Variants in IL1RAPL1 observed in about 807,000 individuals in gnomAD.
IL1RAPL1 encodes the protein interleukin 1 receptor accessory protein like 1, also known as interleukin-1 receptor accessory protein-like 1.
IL1RAPL1 carries 3 observed loss-of-function variants against 48.4 expected under a neutral mutation model. That is an observed-to-expected ratio of 0.06 (90% CI 0.03 to 0.16). IL1RAPL1 has a LOEUF of 0.16. Among genes scored for constraint, IL1RAPL1 ranks in the 10% least tolerant of loss-of-function variants. IL1RAPL1 has a pLI of 1.00. For synonymous variants in IL1RAPL1, 185 were observed against 187.7 expected, an observed-to-expected ratio of 0.99 and a Z score of 0.12; for missense variants, 349 against 530.6, an observed-to-expected ratio of 0.66 and a Z score of 3.36.
At chrX:29,883,153 A>G (rs764605416) in intron 6 of IL1RAPL1, among the ~76,000 whole-genome samples, 8 of 111,577 alleles carry the variant, frequency 7.2e-5, no homozygotes, top group Non-Finnish European at 1.5e-4. Flanking sequence ...TAGAAGCCTA[A>G]TGTGCTGTTC....
At chrX:28,728,799 A>G in intron 1 of IL1RAPL1, among the ~76,000 whole-genome samples, 1 of 111,524 alleles carries the variant, frequency 9.0e-6, no homozygotes, top group East Asian at 2.8e-4. Context: ...GAAGAAGCTG[A>G]GTTGCAAAGA....
intron 6 of IL1RAPL1, among the ~76,000 whole-genome samples, chrX:29,737,459 A>G (rs765594196): frequency 8.0e-5 from 9 of 112,032 alleles, no homozygotes; most frequent in Non-Finnish European, 1.5e-4. Flanking sequence ...ATTTGTCCAA[A>G]TCTGACATTG....
At chrX:28,604,844 G>A (rs778786981) in intron 1 of IL1RAPL1, among the ~76,000 whole-genome samples, 4 of 110,469 alleles carry the variant, frequency 3.6e-5, no homozygotes, top group African/African-American at 1.3e-4. Flanking sequence ...AATATAACAG[G>A]AATATTCTTT....
At chrX:28,777,905 T>C (rs1936376604) in intron 1 of IL1RAPL1, among the ~76,000 whole-genome samples, 1 of 111,652 alleles carries the variant, frequency 9.0e-6, no homozygotes, top group Non-Finnish European at 1.9e-5. Flanking sequence ...ATGAATAATC[T>C]ATCTCACCAG....
intron 2 of IL1RAPL1, among the ~76,000 whole-genome samples, chrX:29,130,712 C>A (rs1176730812): frequency 1.8e-5 from 2 of 111,945 alleles, no homozygotes; most frequent in Non-Finnish European, 3.8e-5. Flanking sequence ...CCCAGATTAG[C>A]TGGTCCTTCC....
intron 2 of IL1RAPL1, among the ~76,000 whole-genome samples, chrX:29,160,335 C>T (rs752047308): frequency 9.0e-6 from 1 of 111,074 alleles, no homozygotes; most frequent in Non-Finnish European, 1.9e-5. Flanking sequence ...AAAATTTGTT[C>T]ATTAGATATG....
chrX:28,705,339 G>T (rs1378965802), intron 1 of IL1RAPL1, among the ~76,000 whole-genome samples: 1 of 111,536 alleles, frequency 9.0e-6, no homozygotes, highest in Non-Finnish European at 1.9e-5. Flanking sequence ...CATAAAAAAA[G>T]AGAAAAAACA....
chrX:29,585,966 A>G (rs1364532252), intron 5 of IL1RAPL1, among the ~76,000 whole-genome samples: 1 of 111,734 alleles, frequency 8.9e-6, no homozygotes, highest in Non-Finnish European at 1.9e-5. Flanking sequence ...TGGCTTGTAA[A>G]TATTTTATTC....
intron 6 of IL1RAPL1, among the ~76,000 whole-genome samples, chrX:29,701,768 T>C (rs947365870): frequency 1.8e-5 from 2 of 111,325 alleles, no homozygotes; most frequent in Admixed American, 9.6e-5. Flanking sequence ...AGCAGTGTAC[T>C]GATGCCTCAT....
intron 3 of IL1RAPL1, among the ~76,000 whole-genome samples, chrX:29,292,051 CAT>C (rs965186031): frequency 9.0e-6 from 1 of 111,580 alleles, no homozygotes; most frequent in Non-Finnish European, 1.9e-5. Flanking sequence ...GTATACCAAA[CAT>C]ATTACCACAG....
At chrX:29,675,716 G>A (rs1005761560) in intron 6 of IL1RAPL1, among the ~76,000 whole-genome samples, 2 of 110,987 alleles carry the variant, frequency 1.8e-5, no homozygotes, top group Admixed American at 9.5e-5. Flanking sequence ...TCAGCCTCCC[G>A]AGTAGCTGGG....
chrX:29,186,515 A>T (rs1930255157), intron 2 of IL1RAPL1, among the ~76,000 whole-genome samples: 1 of 111,587 alleles, frequency 9.0e-6, no homozygotes, highest in East Asian at 2.8e-4. Context: ...GTAGAAAGGA[A>T]AGAAAGATAG....
intron 1 of IL1RAPL1, among the ~76,000 whole-genome samples, chrX:28,732,017 G>A (rs774706591): frequency 2.7e-5 from 3 of 111,068 alleles, no homozygotes; most frequent in East Asian, 5.7e-4. Flanking sequence ...ATAAGGAGCT[G>A]GAGTCTGAGG....
intron 2 of IL1RAPL1, among the ~76,000 whole-genome samples, chrX:28,929,486 A>G (rs1923826162): frequency 1.8e-5 from 2 of 112,002 alleles, no homozygotes; most frequent in Admixed American, 9.5e-5. Flanking sequence ...CCTATAATAT[A>G]TCTGACTTGG....
intron 6 of IL1RAPL1, among the ~76,000 whole-genome samples, chrX:29,913,011 A>G (rs746622487): frequency 9.8e-5 from 11 of 111,687 alleles, no homozygotes; most frequent in Non-Finnish European, 2.1e-4. Context: ...AACACAAGGT[A>G]ATACAGTTGG....
intron 2 of IL1RAPL1, among the ~76,000 whole-genome samples, chrX:29,112,945 C>T (rs778817127): frequency 1.8e-5 from 2 of 109,799 alleles, no homozygotes; most frequent in Admixed American, 9.8e-5. Context: ...CGATTACAAG[C>T]GTGTGCCACC....
intron 2 of IL1RAPL1, among the ~76,000 whole-genome samples, chrX:29,176,085 C>CT (rs752040172): frequency 0.15 from 11,645 of 75,585 alleles, 1,090 homozygotes; most frequent in Non-Finnish European, 0.2. Flanking sequence ...TGGTAATTTG[C>CT]TTTTTTTTTT....
intron 2 of IL1RAPL1, among the ~76,000 whole-genome samples, chrX:29,081,315 C>A (rs1927839022): frequency 9.2e-6 from 1 of 108,985 alleles, no homozygotes; most frequent in Admixed American, 1.0e-4. Flanking sequence ...CTCGGCCCCC[C>A]AAAGTGCTAG....
At chrX:28,838,350 C>T (rs755449555) in intron 2 of IL1RAPL1, among the ~76,000 whole-genome samples, 2 of 111,246 alleles carry the variant, frequency 1.8e-5, no homozygotes, top group South Asian at 7.4e-4. Context: ...CAACACTACA[C>T]AGAATCTAAG....
Sources: allele counts gnomAD v4.1 joint callset (sites outside exome capture counted in the v4.1 genomes callset), GRCh38; gene constraint gnomAD v4.1.1; transcripts MANE v1.5; gene names NCBI Gene and HGNC (gene_info 2026-07-23, HGNC 2026-07-21).